RNF150: variants seen among roughly 807,000 people sequenced by gnomAD.
The protein encoded by RNF150 is ring finger protein 150.
RNF150 carries 24 observed loss-of-function variants against 39.3 expected under a neutral mutation model. The observed-to-expected ratio is 0.61, with a 90% CI of 0.44 to 0.86. RNF150 has a LOEUF of 0.86. Among genes scored for constraint, RNF150 ranks in the 40% least tolerant of loss-of-function variants. The pLI, the probability that RNF150 is intolerant of heterozygous loss-of-function variation, is 0.00. For synonymous variants in RNF150, 255 were observed against 227.3 expected, an observed-to-expected ratio of 1.12 and a Z score of -1.10; for missense variants, 502 against 587.8, an observed-to-expected ratio of 0.85 and a Z score of 1.51.
At chr4:141,122,569 C>A (rs1466528351) in intron 1 of RNF150, among the ~76,000 whole-genome samples, 1 of 152,180 alleles carries the variant, frequency 6.6e-6, no homozygotes, top group African/African-American at 2.4e-5. Flanking sequence ...GGAACTTGAC[C>A]TAAGGAAGTA....
At chr4:141,212,293 A>G (rs1007551109) in intron 1 of RNF150, among the ~76,000 whole-genome samples, 4 of 152,198 alleles carry the variant, frequency 2.6e-5, no homozygotes, top group Admixed American at 2.6e-4. Context: ...TTTTATATGT[A>G]TCATCATACT....
At chr4:140,977,990 G>A (rs547776775) in intron 1 of RNF150, among the ~76,000 whole-genome samples, 47 of 152,260 alleles carry the variant, frequency 3.1e-4, no homozygotes, top group African/African-American at 1.1e-3. Context: ...TGAAGATGGG[G>A]AGTGTGCTGT....
At chr4:141,063,744 G>A (rs1737336276) in intron 1 of RNF150, among the ~76,000 whole-genome samples, 1 of 151,948 alleles carries the variant, frequency 6.6e-6, no homozygotes, top group Non-Finnish European at 1.5e-5. Flanking sequence ...TAGACTCTCG[G>A]GATACAAAAA....
chr4:141,124,401 G>A (rs1358677705), intron 1 of RNF150, among the ~76,000 whole-genome samples: 2 of 152,170 alleles, frequency 1.3e-5, no homozygotes, highest in Non-Finnish European at 2.9e-5. Flanking sequence ...GTGCCTTCCT[G>A]ATAAGATCAC....
chr4:140,937,092 G>T (rs1381785891), intron 4 of RNF150, among the ~76,000 whole-genome samples: 1 of 151,944 alleles, frequency 6.6e-6, no homozygotes, highest in Non-Finnish European at 1.5e-5. Flanking sequence ...GTTCACTTTA[G>T]GAATGTATCT....
At chr4:140,977,863 A>C (rs914200730) in intron 1 of RNF150, among the ~76,000 whole-genome samples, 2 of 152,162 alleles carry the variant, frequency 1.3e-5, no homozygotes, top group African/African-American at 4.8e-5. Context: ...ACCATGAATA[A>C]GCAGTCATTC....
At chr4:141,095,998 T>C (rs747328421) in intron 1 of RNF150, among the ~76,000 whole-genome samples, 1 of 152,116 alleles carries the variant, frequency 6.6e-6, no homozygotes. Flanking sequence ...TCTGTGCATG[T>C]ATACATATAA....
chr4:140,874,685 C>A lies in RNF150; in HGVS notation c.1199-6306G>T, dbSNP rs111675673. 2.3e-3 allele frequency among the ~76,000 whole-genome samples: 357 copies of A among 152,280 alleles called. 2 individuals are homozygous for A. Among genetic ancestry groups the A allele is most frequent in the African/African-American group, 8.2e-3 (340 of 41,566 alleles). On this transcript the variant is annotated intron_variant, in intron 6 of 6. Coordinates refer to ENST00000515673, the MANE Select transcript of RNF150 (RefSeq NM_020724.2). Reference sequence around the variant, plus strand: ...GGAATGCAGTGGCACAGTCTCGGCTCATGGCAGCCTCTGCCTCCTGGGTTC... The same window carrying A: ...GGAATGCAGTGGCACAGTCTCGGCTAATGGCAGCCTCTGCCTCCTGGGTTC...
chr4:141,120,721 G>A (rs1409184908), intron 1 of RNF150, among the ~76,000 whole-genome samples: 1 of 152,168 alleles, frequency 6.6e-6, no homozygotes, highest in Non-Finnish European at 1.5e-5. Context: ...AGTAAGTGAG[G>A]GAAGTGGGGT....
intron 1 of RNF150, among the ~76,000 whole-genome samples, chr4:141,167,456 A>G (rs1308003078): frequency 2.0e-5 from 3 of 152,220 alleles, no homozygotes; most frequent in Non-Finnish European, 4.4e-5. Flanking sequence ...TTTAAATTTC[A>G]TATGGAACCA....
rs181545539 is a variant in RNF150, at chr4:140,988,445, C to T, written c.485-20572G>A. 7.9e-5 allele frequency among the ~76,000 whole-genome samples: 12 copies of T among 152,106 alleles called. No individual in the cohort carries two copies. The East Asian group carries it at 1.2e-3, about 15-fold the overall frequency. ...GAAAAGAACGAAATCATGTCCTTTG[C>T]AGCAATACAGATGCAGTTGTATTGT... On this transcript the variant is annotated intron_variant, in intron 1 of 6. Coordinates refer to ENST00000515673, the MANE Select transcript of RNF150 (RefSeq NM_020724.2).
intron 1 of RNF150, among the ~76,000 whole-genome samples, chr4:141,044,783 G>GCA (rs1553940772): frequency 0.047 from 6,996 of 148,874 alleles, 552 homozygotes; most frequent in African/African-American, 0.16. Flanking sequence ...ACACACACAC[G>GCA]CACACACACA....
chr4:141,098,980 T>C (rs1738906679), intron 1 of RNF150, among the ~76,000 whole-genome samples: 1 of 152,188 alleles, frequency 6.6e-6, no homozygotes, highest in African/African-American at 2.4e-5. Flanking sequence ...TTAAAAAATC[T>C]ATAATTACCA....
At chr4:140,891,345 A>G (rs532854833) in intron 6 of RNF150, among the ~76,000 whole-genome samples, 9 of 152,294 alleles carry the variant, frequency 5.9e-5, no homozygotes, top group African/African-American at 2.2e-4. Context: ...CAGAACTAGG[A>G]CTTGAACCTA....
At chr4:141,000,035 G>GAAGAAAAGAAGAAAAGAAGAA (rs1734579226) in intron 1 of RNF150, among the ~76,000 whole-genome samples, 1 of 49,460 alleles carries the variant, frequency 2.0e-5, no homozygotes, top group Non-Finnish European at 5.3e-5. Context: ...AGAAGAAGAA[G>GAAGAAAAGAAGAAAAGAAGAA]AAGAAGAAGA....
rs1174014870 is a variant in RNF150, at chr4:141,019,080, A to ATATATG, written c.485-51208_485-51207insCATATA. Among the ~76,000 whole-genome samples the ATATATG allele has an allele frequency of 1.5e-3, 199 of 136,792 alleles. 13 individuals carry two copies. Among genetic ancestry groups the ATATATG allele is most frequent in the East Asian group, 6.5e-3 (28 of 4,316 alleles). 89.7% of individuals were successfully genotyped at this position (136,792 alleles called of 152,430 possible). A position where few individuals can be genotyped will look rare whatever the true frequency, so the allele number is the denominator to read the frequency against. On this transcript the variant is annotated intron_variant, in intron 1 of 6. Transcript: ENST00000515673. ...TATATATATATATATATATATATAT[A>ATATATG]TGGAACTTTACACAAAAGAATGTTA...
At chr4:141,069,154 G>T (rs1281710383) in intron 1 of RNF150, among the ~76,000 whole-genome samples, 133 of 111,948 alleles carry the variant, frequency 1.2e-3, no homozygotes, top group African/African-American at 3.2e-3. Flanking sequence ...CAAAGGGAAT[G>T]CTTCCAGTTT....
At chr4:141,002,723 C>T (rs185179096) in intron 1 of RNF150, among the ~76,000 whole-genome samples, 1 of 152,296 alleles carries the variant, frequency 6.6e-6, no homozygotes, top group African/African-American at 2.4e-5. Flanking sequence ...AGATATAGTG[C>T]AGAAGTGACG....
At chr4:141,187,088 T>C (rs1230701880) in intron 1 of RNF150, among the ~76,000 whole-genome samples, 1 of 152,222 alleles carries the variant, frequency 6.6e-6, no homozygotes, top group African/African-American at 2.4e-5. Flanking sequence ...AACTAATTTA[T>C]TTCTGCCTTA....
Sources: gnomAD v4.1 joint callset for allele counts (sites outside exome capture counted in the v4.1 genomes callset) on GRCh38, gnomAD v4.1.1 for gene constraint, MANE v1.5 for transcripts, NCBI Gene and HGNC (gene_info 2026-07-23, HGNC 2026-07-21) for gene names.